CAMTA1: variants seen among roughly 807,000 people sequenced by gnomAD.
CAMTA1 encodes calmodulin binding transcription activator 1.
A neutral mutation model predicts 170.9 loss-of-function variants in CAMTA1; 27 were observed. The ratio of observed to expected loss-of-function variants is 0.16; its 90% CI spans 0.12 to 0.22. CAMTA1 has a LOEUF of 0.22. CAMTA1 is among the 10% of genes least tolerant of loss of function. The pLI, the probability that CAMTA1 is intolerant of heterozygous loss-of-function variation, is 1.00. For missense variants in CAMTA1, 1,619 were observed against 2,217.2 expected, an observed-to-expected ratio of 0.73 and a Z score of 5.42; for synonymous variants, 833 against 891.5, an observed-to-expected ratio of 0.93 and a Z score of 1.17.
At chr1:7,621,034 G>A (rs2095594628) in intron 6 of CAMTA1, among the ~76,000 whole-genome samples, 2 of 152,114 alleles carry the variant, frequency 1.3e-5, no homozygotes, top group African/African-American at 2.4e-5. Flanking sequence ...AAGGCCGTAG[G>A]GTCAGGGGAG....
At chr1:7,329,860 T>G (rs1031822735) in intron 5 of CAMTA1, among the ~76,000 whole-genome samples, 18 of 152,186 alleles carry the variant, frequency 1.2e-4, no homozygotes, top group Admixed American at 3.9e-4. Context: ...GGGTTTTTCC[T>G]TTTTTATTAT....
chr1:7,200,577 G>C (rs1030023360), intron 4 of CAMTA1, among the ~76,000 whole-genome samples: 1 of 152,086 alleles, frequency 6.6e-6, no homozygotes, highest in Non-Finnish European at 1.5e-5. Flanking sequence ...CATTTTTGAC[G>C]AGTACAGGCC....
intron 4 of CAMTA1, among the ~76,000 whole-genome samples, chr1:7,126,009 C>A (rs996058366): frequency 1.3e-5 from 2 of 152,082 alleles, no homozygotes; most frequent in Admixed American, 6.5e-5. Context: ...CTCAAACTCA[C>A]AGTCATGGCA....
intron 11 of CAMTA1, among the ~76,000 whole-genome samples, chr1:7,721,753 A>C (rs1393314340): frequency 6.6e-6 from 1 of 152,054 alleles, no homozygotes; most frequent in Non-Finnish European, 1.5e-5. Flanking sequence ...TTTGAGACAG[A>C]GTCTCACTCC....
chr1:7,555,325 A>T (rs1431434854), intron 6 of CAMTA1, among the ~76,000 whole-genome samples: 1 of 152,116 alleles, frequency 6.6e-6, no homozygotes, highest in East Asian at 1.9e-4. Flanking sequence ...TGTGGGTAGG[A>T]CCCAGGAGGG....
chr1:7,242,078 T>G (rs1218947410), intron 4 of CAMTA1, among the ~76,000 whole-genome samples: 1 of 152,140 alleles, frequency 6.6e-6, no homozygotes, highest in Non-Finnish European at 1.5e-5. Flanking sequence ...GTATCTAGAT[T>G]ATATGTAAAG....
chr1:7,564,817 T>G (rs2095017091), intron 6 of CAMTA1, among the ~76,000 whole-genome samples: 1 of 150,238 alleles, frequency 6.7e-6, no homozygotes, highest in African/African-American at 2.5e-5. Context: ...TAGAAGGAGA[T>G]GGAGACTGAG....
At chr1:6,798,100 G>T (rs1642971591) in intron 1 of CAMTA1, among the ~76,000 whole-genome samples, 1 of 151,414 alleles carries the variant, frequency 6.6e-6, no homozygotes, top group South Asian at 2.1e-4. Context: ...TGGTTCAAGC[G>T]ATTCTCCTGC....
rs541546157 is a variant in CAMTA1, at chr1:7,181,408, G to C, written c.303-68083G>C. 4.6e-5 allele frequency among the ~76,000 whole-genome samples: 7 copies of C among 152,232 alleles called. No homozygotes were observed. In the South Asian group the frequency reaches 1.5e-3, roughly 32 times the overall value. ...ATTAGCAATTAGGTAAGATAAATCAGTTACTGGCATGAATATTAGAAAAGA... is the reference window on the plus strand; with the variant it reads ...ATTAGCAATTAGGTAAGATAAATCACTTACTGGCATGAATATTAGAAAAGA... On this transcript the variant is annotated intron_variant, in intron 4 of 22. Coordinates refer to ENST00000303635, the MANE Select transcript of CAMTA1 (RefSeq NM_015215.4).
intron 4 of CAMTA1, among the ~76,000 whole-genome samples, chr1:7,212,126 A>G (rs1212839574): frequency 6.6e-6 from 1 of 152,204 alleles, no homozygotes; most frequent in Non-Finnish European, 1.5e-5. Context: ...CTTTAGCCTG[A>G]GGGCATATAA....
intron 3 of CAMTA1, among the ~76,000 whole-genome samples, chr1:6,960,177 G>C (rs1014158864): frequency 6.6e-6 from 1 of 152,186 alleles, no homozygotes; most frequent in Non-Finnish European, 1.5e-5. Context: ...TAATTTAAAA[G>C]CAATTATGAT....
intron 4 of CAMTA1, among the ~76,000 whole-genome samples, chr1:7,210,214 TATG>T (rs1658506269): frequency 6.6e-6 from 1 of 152,234 alleles, no homozygotes; most frequent in Non-Finnish European, 1.5e-5. Context: ...AATCTCACGT[TATG>T]TTTAGTTTCC....
At chr1:7,626,795 G>A (rs1232116199) in intron 6 of CAMTA1, among the ~76,000 whole-genome samples, 1 of 152,178 alleles carries the variant, frequency 6.6e-6, no homozygotes, top group Non-Finnish European at 1.5e-5. Context: ...AGTTGGCCTG[G>A]ACAATCCCTA....
chr1:7,460,899 G>A (rs926304738), intron 5 of CAMTA1, among the ~76,000 whole-genome samples: 1 of 152,090 alleles, frequency 6.6e-6, no homozygotes, highest in Non-Finnish European at 1.5e-5. Flanking sequence ...AGTCTCTGGG[G>A]CCAGCCACAG....
chr1:7,276,303 A>ATTTTTTTTTTTTTTTTTT (rs1180773965), intron 5 of CAMTA1, among the ~76,000 whole-genome samples: 17 of 24,226 alleles, frequency 7.0e-4, no homozygotes, highest in South Asian at 4.7e-3. Flanking sequence ...ATATATATAT[A>ATTTTTTTTTTTTTTTTTT]TTTTTTTTTT....
chr1:7,650,042 A>G (rs952705825), intron 7 of CAMTA1, among the ~76,000 whole-genome samples: 5 of 152,170 alleles, frequency 3.3e-5, no homozygotes, highest in African/African-American at 4.8e-5. Context: ...CCCACACACC[A>G]GGAGGCACCT....
intron 4 of CAMTA1, among the ~76,000 whole-genome samples, chr1:7,239,106 A>T (rs1664409727): frequency 6.6e-6 from 1 of 152,082 alleles, no homozygotes; most frequent in South Asian, 2.1e-4. Context: ...ATACTCTCCC[A>T]TTCCTTCCCT....
At chr1:6,984,570 C>T (rs1238466097) in intron 3 of CAMTA1, among the ~76,000 whole-genome samples, 3 of 152,042 alleles carry the variant, frequency 2.0e-5, no homozygotes, top group Non-Finnish European at 4.4e-5. Flanking sequence ...GCCGAGATGG[C>T]GCCACTGCAC....
At chr1:7,630,071 G>A (rs1368107817) in intron 6 of CAMTA1, among the ~76,000 whole-genome samples, 1 of 152,112 alleles carries the variant, frequency 6.6e-6, no homozygotes, top group African/African-American at 2.4e-5. Context: ...GTCTTCCCCC[G>A]GGTCATTTAT....
Sources: allele counts gnomAD v4.1 joint callset (sites outside exome capture counted in the v4.1 genomes callset), GRCh38; gene constraint gnomAD v4.1.1; transcripts MANE v1.5; gene names NCBI Gene and HGNC (gene_info 2026-07-23, HGNC 2026-07-21).